The following ARHGAP26 variants were observed in gnomAD, a reference collection of about 807,000 sequenced individuals.
The protein encoded by ARHGAP26 is rho GTPase-activating protein 26.
A neutral mutation model predicts 104.8 loss-of-function variants in ARHGAP26; 38 were observed. That is an observed-to-expected ratio of 0.36 (90% CI 0.28 to 0.48). The LOEUF (loss-of-function observed/expected upper bound fraction) is 0.48. Ranked by LOEUF, ARHGAP26 falls within the 20% of genes least tolerant of loss-of-function variation. The pLI is 0.99. For synonymous variants in ARHGAP26, 341 were observed against 340.0 expected (o/e 1.00, Z -0.03); for missense variants, 704 against 947.9 (o/e 0.74, Z 3.38).
chr5:142,784,667 A>C (rs935631601), intron 1 of ARHGAP26, among the ~76,000 whole-genome samples: 3 of 152,186 alleles, frequency 2.0e-5, no homozygotes, highest in Non-Finnish European at 4.4e-5. Context: ...GCATGGGGGT[A>C]GGCGATGGTA....
At chr5:142,897,213 A>G (rs1759594371) in intron 6 of ARHGAP26, among the ~76,000 whole-genome samples, 2 of 152,160 alleles carry the variant, frequency 1.3e-5, no homozygotes, top group African/African-American at 2.4e-5. Flanking sequence ...TAAAAGTATA[A>G]CCATCGTAGT....
At chr5:143,203,342 T>G (rs1808066532) in intron 20 of ARHGAP26, 2 of 152,162 alleles carry the variant, frequency 1.3e-5, no homozygotes, top group African/African-American at 2.4e-5. Context: ...CACTGGTCAT[T>G]AGAGAAATGC....
chr5:142,819,852 A>G (rs1000124183), intron 1 of ARHGAP26, among the ~76,000 whole-genome samples: 1 of 152,080 alleles, frequency 6.6e-6, no homozygotes, highest in Admixed American at 6.5e-5. Flanking sequence ...TGAAGGTGGG[A>G]TAATTGAATG....
intron 1 of ARHGAP26, among the ~76,000 whole-genome samples, chr5:142,805,176 C>A (rs981689928): frequency 6.7e-6 from 1 of 150,142 alleles, no homozygotes; most frequent in African/African-American, 2.5e-5. Context: ...AATCTCGGCT[C>A]ACTGCAACCT....
chr5:143,054,435 T>G lies in ARHGAP26; in HGVS notation c.1286-4T>G. The G allele has an allele frequency of 6.2e-7, 1 of 1,605,666 alleles. No homozygotes were observed. The highest frequency in any genetic ancestry group is 8.5e-7 in the Non-Finnish European group (1 of 1,175,894). ...CTTTATGTATTGTCTTTTCTTCATTTTAGACCCCAAGACTGCTTCTGAGAC... is the reference window on the plus strand; with the variant it reads ...CTTTATGTATTGTCTTTTCTTCATTGTAGACCCCAAGACTGCTTCTGAGAC... On this transcript the variant is annotated splice_region_variant and splice_polypyrimidine_tract_variant and intron_variant, in intron 14 of 22. Transcript: ENST00000645722.
At chr5:142,935,379 G>C (rs893882589) in intron 11 of ARHGAP26, among the ~76,000 whole-genome samples, 2 of 152,146 alleles carry the variant, frequency 1.3e-5, no homozygotes, top group Non-Finnish European at 2.9e-5. Context: ...AGGCTTTGTG[G>C]GCCATGTGGT....
At chr5:143,038,973 CAT>C (rs1443037912) in intron 13 of ARHGAP26, among the ~76,000 whole-genome samples, 26 of 152,176 alleles carry the variant, frequency 1.7e-4, no homozygotes, top group Non-Finnish European at 1.6e-4. Flanking sequence ...GGATTACAGA[CAT>C]ATGGCATTTT....
rs1448218391 is a variant in ARHGAP26, at chr5:143,228,546, T to C, written c.*6100T>C. ...ATGAATGCTTAGTAGCTAAGGCTAG[T>C]GTTCAAAAGCACTCTAAAAGACATT... is the stretch of plus-strand genomic sequence containing the variant. On this transcript the variant is annotated 3_prime_UTR_variant, in exon 23 of 23. Transcript: ENST00000645722. The C allele has an allele frequency of 4.5e-6, 1 of 220,734 alleles. No homozygotes were observed. The highest frequency in any genetic ancestry group is 9.1e-6 in the Non-Finnish European group (1 of 110,014). The allele number at this position is 220,734 out of a possible 1,614,324, so 13.7% of individuals were successfully genotyped here. A position where few individuals can be genotyped will look rare whatever the true frequency, so the allele number is the denominator to read the frequency against.
chr5:143,207,314 T>TTGC lies in ARHGAP26; in HGVS notation c.2099+7_2099+9dup. 6.2e-7 allele frequency: 1 copy of TTGC among 1,614,196 alleles called. No homozygotes were observed. The highest frequency in any genetic ancestry group is 8.5e-7 in the Non-Finnish European group (1 of 1,180,036). On this transcript the variant is annotated splice_region_variant and intron_variant, in intron 21 of 22. Coordinates refer to ENST00000645722, the MANE Select transcript of ARHGAP26 (RefSeq NM_001135608.3). ...AGCGACTCATCCCCCGTCAGGTCTGTTGCAGGGTTTGTTTGGTTTTCTGTT... is the reference window on the plus strand; with the variant it reads ...AGCGACTCATCCCCCGTCAGGTCTGTTGCTGCAGGGTTTGTTTGGTTTTCTGTT...
At chr5:143,218,929 G>A (rs1810764518) in intron 22 of ARHGAP26, among the ~76,000 whole-genome samples, 1 of 152,206 alleles carries the variant, frequency 6.6e-6, no homozygotes, top group Admixed American at 6.5e-5. Context: ...TGGCCAAGAT[G>A]CTTAACTTTT....
chr5:143,170,745 C>G (rs1802658621), intron 20 of ARHGAP26: 1 of 152,200 alleles, frequency 6.6e-6, no homozygotes. Context: ...GATTTGAACC[C>G]AGGTGGTCAG....
intron 11 of ARHGAP26, among the ~76,000 whole-genome samples, chr5:142,993,330 C>T (rs543844181): frequency 4.6e-5 from 7 of 152,066 alleles, no homozygotes; most frequent in South Asian, 2.1e-4. Context: ...CCACCGCGCC[C>T]GGCTAATTTT....
chr5:142,987,640 A>G (rs1774965371), intron 11 of ARHGAP26, among the ~76,000 whole-genome samples: 1 of 152,086 alleles, frequency 6.6e-6, no homozygotes, highest in South Asian at 2.1e-4. Flanking sequence ...GTTTGTCATA[A>G]ATAGCTCTTA....
chr5:143,171,136 T>A (rs1204291819), intron 20 of ARHGAP26, among the ~76,000 whole-genome samples: 1 of 152,252 alleles, frequency 6.6e-6, no homozygotes, highest in Admixed American at 6.5e-5. Context: ...GGAATGTTTA[T>A]TGACCATCTG....
chr5:142,963,198 A>ATATATATATGTGTGTGTGTGTGTG (rs869247749), intron 11 of ARHGAP26, among the ~76,000 whole-genome samples: 5 of 98,324 alleles, frequency 5.1e-5, no homozygotes, highest in Middle Eastern at 4.8e-3. Flanking sequence ...ATATATATAT[A>ATATATATATGTGTGTGTGTGTGTG]TGTGTGTGTG....
At chr5:143,167,526 A>ATTGTT (rs1424616047) in intron 20 of ARHGAP26, among the ~76,000 whole-genome samples, 2 of 135,474 alleles carry the variant, frequency 1.5e-5, no homozygotes, top group Admixed American at 7.7e-5. Flanking sequence ...AAAGAAATCC[A>ATTGTT]TTGTTTGTAA....
chr5:142,847,215 C>T (rs1561942730), intron 1 of ARHGAP26, among the ~76,000 whole-genome samples: 2 of 152,164 alleles, frequency 1.3e-5, no homozygotes, highest in African/African-American at 2.4e-5. Flanking sequence ...CTCTGATACA[C>T]AGTAAGATCT....
intron 1 of ARHGAP26, among the ~76,000 whole-genome samples, chr5:142,821,426 A>G (rs1766164042): frequency 6.7e-6 from 1 of 149,112 alleles, no homozygotes; most frequent in Non-Finnish European, 1.5e-5. Flanking sequence ...CCATACCTGC[A>G]AGTGCACTCT....
chr5:143,173,323 A>G (rs1433174833), intron 20 of ARHGAP26, among the ~76,000 whole-genome samples: 1 of 152,202 alleles, frequency 6.6e-6, no homozygotes, highest in Non-Finnish European at 1.5e-5. Context: ...AGCATGAGCC[A>G]CTGCACCCGG....
Sources: allele counts gnomAD v4.1 joint callset (sites outside exome capture counted in the v4.1 genomes callset), GRCh38; gene constraint gnomAD v4.1.1; transcripts MANE v1.5; gene names NCBI Gene and HGNC (gene_info 2026-07-23, HGNC 2026-07-21).